The following CACNA1E variants were observed in gnomAD, a reference collection of about 807,000 sequenced individuals.
CACNA1E encodes the protein voltage-dependent R-type calcium channel subunit alpha-1E.
In CACNA1E, 40 loss-of-function variants were observed where a neutral mutation model predicts 259.2. That is an observed-to-expected ratio of 0.15 (90% CI 0.12 to 0.20). The LOEUF is 0.20. CACNA1E is among the 10% of genes least tolerant of loss of function. CACNA1E has a pLI of 1.00. For missense variants in CACNA1E, 1,874 were observed against 3,040.1 expected, an observed-to-expected ratio of 0.62 and a Z score of 9.02; for synonymous variants, 1,104 against 1,138.5, an observed-to-expected ratio of 0.97 and a Z score of 0.61.
chr1:181,347,206 A>C (rs1469804637), intron 1 of CACNA1E, among the ~76,000 whole-genome samples: 1 of 152,062 alleles, frequency 6.6e-6, no homozygotes, highest in Non-Finnish European at 1.5e-5. Context: ...AGCCTCCCAC[A>C]GGCTTGTCCC....
At chr1:181,662,587 C>T (rs1044873710) in intron 7 of CACNA1E, among the ~76,000 whole-genome samples, 11 of 152,224 alleles carry the variant, frequency 7.2e-5, no homozygotes, top group South Asian at 2.1e-4. Context: ...ATAAGATTAC[C>T]GGGGAAATGA....
rs974626451 is a variant in CACNA1E, at chr1:181,450,512, T to C, written c.435-33232T>C. ...AAGGAAAGACAAGTTCTAGGCAGAATAGATGGCATGGGAAAACACCCAGAG... is the reference window on the plus strand; with the variant it reads ...AAGGAAAGACAAGTTCTAGGCAGAACAGATGGCATGGGAAAACACCCAGAG... On this transcript the variant is annotated intron_variant, in intron 2 of 11. Transcript: ENST00000524607. Among the ~76,000 whole-genome samples, 5 of 151,914 alleles carry C rather than the reference T, an allele frequency of 3.3e-5. No individual in the cohort carries two copies. The East Asian group carries it at 5.8e-4, about 18-fold the overall frequency.
At position 181,485,972 on chromosome 1, in the gene CACNA1E, G is replaced by A. The variant is rs997517518; in HGVS notation, c.266+1962G>A. On this transcript the variant is annotated intron_variant, in intron 1 of 47. Coordinates refer to ENST00000367573, the MANE Select transcript of CACNA1E (RefSeq NM_001205293.3). The surrounding 1 kb of genome is among the most constrained non-coding windows in gnomAD (Gnocchi z 4.2). The stretch of plus-strand genomic sequence containing the variant: ...GCGGCCCGGGGCTCCCCAGTTACCC[G>A]GGTTCAGCACCTCGGGTACTTCTGG... Among the ~76,000 whole-genome samples the A allele has an allele frequency of 2.0e-5, 3 of 152,246 alleles. No homozygotes were observed. The highest frequency in any genetic ancestry group is 4.4e-5 in the Non-Finnish European group (3 of 68,050).
chr1:181,393,920 G>A (rs142788261), intron 1 of CACNA1E, among the ~76,000 whole-genome samples: 119 of 152,314 alleles, frequency 7.8e-4, no homozygotes, highest in Middle Eastern at 6.8e-3. Context: ...AGAGCAGCTC[G>A]GGTTATGTTG....
chr1:181,591,527 G>A (rs998879038), intron 6 of CACNA1E, among the ~76,000 whole-genome samples: 1 of 151,898 alleles, frequency 6.6e-6, no homozygotes, highest in Non-Finnish European at 1.5e-5. Flanking sequence ...CTCATGTTTT[G>A]AGTGATATTG....
intron 1 of CACNA1E, among the ~76,000 whole-genome samples, chr1:181,369,584 C>G (rs1297079881): frequency 6.6e-6 from 1 of 152,154 alleles, no homozygotes; most frequent in Non-Finnish European, 1.5e-5. Context: ...GCAGCTGGTG[C>G]CAGCCTGAAG....
At chr1:181,434,591 G>A (rs1659947459) in intron 2 of CACNA1E, among the ~76,000 whole-genome samples, 1 of 152,202 alleles carries the variant, frequency 6.6e-6, no homozygotes, top group African/African-American at 2.4e-5. Context: ...AGCTTTCTGA[G>A]TTAGGTGATG....
At chr1:181,410,836 C>T (rs1282183340) in intron 1 of CACNA1E, among the ~76,000 whole-genome samples, 1 of 152,188 alleles carries the variant, frequency 6.6e-6, no homozygotes, top group African/African-American at 2.4e-5. Context: ...TAATTCCTAA[C>T]CATTGAAATA....
chr1:181,712,629 C>T (rs1420175246), intron 8 of CACNA1E, among the ~76,000 whole-genome samples: 3 of 152,170 alleles, frequency 2.0e-5, no homozygotes, highest in Non-Finnish European at 4.4e-5. Context: ...ACTTGCATTT[C>T]GCCCTTTCTC....
chr1:181,521,940 G>A (rs979589531), intron 3 of CACNA1E, among the ~76,000 whole-genome samples: 3 of 152,116 alleles, frequency 2.0e-5, no homozygotes, highest in Non-Finnish European at 4.4e-5. Flanking sequence ...ATCTAAGAGG[G>A]GTTGGAAAGT....
intron 3 of CACNA1E, among the ~76,000 whole-genome samples, chr1:181,572,884 T>C (rs567107830): frequency 2.6e-5 from 4 of 152,118 alleles, no homozygotes; most frequent in Admixed American, 6.5e-5. Context: ...TGGCGCTTGG[T>C]AATTTGTGGC....
chr1:181,548,393 T>C (rs1647757812), intron 3 of CACNA1E, among the ~76,000 whole-genome samples: 2 of 152,196 alleles, frequency 1.3e-5, no homozygotes, highest in South Asian at 4.1e-4. Context: ...CCCAAAGTGC[T>C]GGGATTACAG....
intron 7 of CACNA1E, among the ~76,000 whole-genome samples, chr1:181,674,195 C>T (rs370913243): frequency 3.4e-4 from 48 of 140,854 alleles, no homozygotes; most frequent in African/African-American, 1.3e-3. Context: ...CTGGCTAACA[C>T]GGTAAAACCC....
intron 1 of CACNA1E, among the ~76,000 whole-genome samples, chr1:181,376,994 G>C (rs1197666832): frequency 6.6e-6 from 1 of 152,194 alleles, no homozygotes; most frequent in Non-Finnish European, 1.5e-5. Flanking sequence ...AGAGTTTACT[G>C]TATGGTCCCT....
chr1:181,731,956 A>T (rs1431386105), intron 19 of CACNA1E, among the ~76,000 whole-genome samples: 1 of 151,858 alleles, frequency 6.6e-6, no homozygotes, highest in Non-Finnish European at 1.5e-5. Flanking sequence ...CTGAGAGGGA[A>T]GGGAGATGAG....
intron 7 of CACNA1E, among the ~76,000 whole-genome samples, chr1:181,664,219 G>GT (rs1373178735): frequency 2.0e-5 from 3 of 152,206 alleles, no homozygotes. Context: ...CCACAAAGGA[G>GT]TGCTTCCCCT....
At chr1:181,451,331 C>T (rs1345404271) in intron 2 of CACNA1E, among the ~76,000 whole-genome samples, 1 of 151,456 alleles carries the variant, frequency 6.6e-6, no homozygotes. Flanking sequence ...TCTGTGGAGA[C>T]AGTTCCTGTG....
intron 6 of CACNA1E, among the ~76,000 whole-genome samples, chr1:181,592,491 G>A (rs887458399): frequency 3.5e-4 from 41 of 116,096 alleles, no homozygotes; most frequent in African/African-American, 8.3e-4. Context: ...TCCAGTGACC[G>A]GTGGGGGGTG....
At chr1:181,551,513 G>A (rs1222444496) in intron 3 of CACNA1E, among the ~76,000 whole-genome samples, 1 of 152,228 alleles carries the variant, frequency 6.6e-6, no homozygotes, top group Non-Finnish European at 1.5e-5. Context: ...AGACCCGCCA[G>A]CTCAGCCAGC....
Sources: gnomAD v4.1 joint callset for allele counts (sites outside exome capture counted in the v4.1 genomes callset) on GRCh38, gnomAD v4.1.1 for gene constraint, Gnocchi (gnomAD v3.1) non-coding constraint, MANE v1.5 for transcripts, NCBI Gene and HGNC (gene_info 2026-07-23, HGNC 2026-07-21) for gene names.